DGKI: variants seen among roughly 807,000 people sequenced by gnomAD.
The protein encoded by DGKI is diacylglycerol kinase iota, also known as DAG kinase iota.
Under a neutral mutation model 147.5 loss-of-function variants are expected in DGKI, and 55 were observed. The ratio of observed to expected loss-of-function variants is 0.37; its 90% CI spans 0.30 to 0.47. The LOEUF (loss-of-function observed/expected upper bound fraction) is 0.47. Among genes scored for constraint, DGKI ranks in the 20% least tolerant of loss-of-function variants. The pLI, the probability that DGKI is intolerant of heterozygous loss-of-function variation, is 1.00. For synonymous variants in DGKI, 469 were observed against 477.1 expected, an observed-to-expected ratio of 0.98 and a Z score of 0.22; for missense variants, 1,007 against 1,323.8, an observed-to-expected ratio of 0.76 and a Z score of 3.71.
At position 137,502,179 on chromosome 7, in the gene DGKI, T is replaced by C. The variant is rs565705528; in HGVS notation, c.2249-14490A>G. Among the ~76,000 whole-genome samples the C allele has an allele frequency of 5.3e-5, 8 of 152,264 alleles. No individual in the cohort carries two copies. In the South Asian group the frequency reaches 1.7e-3, roughly 32 times the overall value. On this transcript the variant is annotated intron_variant, in intron 21 of 32. Transcript: ENST00000614521. ...TGACAGCAGTGTGAAAACGGACTAA[T>C]ACAGGGCCTAAGCCTGGGGGTTCAA...
At chr7:137,450,574 T>C (rs1813912732) in intron 27 of DGKI, among the ~76,000 whole-genome samples, 1 of 151,676 alleles carries the variant, frequency 6.6e-6, no homozygotes, top group South Asian at 2.1e-4. Context: ...ATACAAAAAT[T>C]AGCCAAGCGT....
At chr7:137,446,120 G>A (rs1016844286) in intron 27 of DGKI, among the ~76,000 whole-genome samples, 1 of 152,208 alleles carries the variant, frequency 6.6e-6, no homozygotes, top group Non-Finnish European at 1.5e-5. Context: ...TAAAATTCAT[G>A]CCAAAGGACA....
intron 28 of DGKI, among the ~76,000 whole-genome samples, chr7:137,433,434 C>T (rs1375332236): frequency 6.6e-6 from 1 of 152,176 alleles, no homozygotes; most frequent in Non-Finnish European, 1.5e-5. Flanking sequence ...ATAAAACAAG[C>T]TCTAGGTAGA....
intron 32 of DGKI, among the ~76,000 whole-genome samples, chr7:137,393,627 G>T (rs1267571885): frequency 6.6e-6 from 1 of 152,108 alleles, no homozygotes; most frequent in Non-Finnish European, 1.5e-5. Context: ...ACTTTTAATG[G>T]CAAAAACCAC....
intron 1 of DGKI, among the ~76,000 whole-genome samples, chr7:137,826,889 T>C (rs1798073916): frequency 6.6e-6 from 1 of 152,202 alleles, no homozygotes; most frequent in South Asian, 2.1e-4. Flanking sequence ...CCATCCGTTA[T>C]ATTCCTTTAT....
intron 1 of DGKI, among the ~76,000 whole-genome samples, chr7:137,733,056 C>G (rs1794928479): frequency 1.3e-5 from 2 of 151,934 alleles, no homozygotes; most frequent in African/African-American, 2.4e-5. Flanking sequence ...ACGTCCACAA[C>G]CTTTGAAATT....
chr7:137,832,237 G>C (rs1798239755), intron 1 of DGKI, among the ~76,000 whole-genome samples: 1 of 152,222 alleles, frequency 6.6e-6, no homozygotes, highest in Non-Finnish European at 1.5e-5. Context: ...TGGTGCCCCA[G>C]GAGGGACTCT....
intron 4 of DGKI, among the ~76,000 whole-genome samples, chr7:137,655,769 A>G (rs1359150354): frequency 6.6e-6 from 1 of 152,238 alleles, no homozygotes; most frequent in Non-Finnish European, 1.5e-5. Context: ...CAATGCATTT[A>G]CCCATGACAG....
chr7:137,439,876 A>C (rs943430391), intron 28 of DGKI, among the ~76,000 whole-genome samples: 1 of 152,240 alleles, frequency 6.6e-6, no homozygotes, highest in Admixed American at 6.5e-5. Flanking sequence ...CAGATGTTCC[A>C]GTGGGGCATG....
intron 1 of DGKI, among the ~76,000 whole-genome samples, chr7:137,703,200 G>A (rs1824043381): frequency 6.6e-6 from 1 of 152,172 alleles, no homozygotes; most frequent in Non-Finnish European, 1.5e-5. Flanking sequence ...TCTTCACATA[G>A]CAGCAGGAGA....
intron 1 of DGKI, among the ~76,000 whole-genome samples, chr7:137,778,786 G>A (rs1796438323): frequency 1.3e-5 from 2 of 152,152 alleles, no homozygotes; most frequent in Admixed American, 1.3e-4. Flanking sequence ...CTTGATCAAA[G>A]TATCAGATAA....
intron 10 of DGKI, among the ~76,000 whole-genome samples, chr7:137,601,438 A>G (rs1398787744): frequency 6.6e-6 from 1 of 152,190 alleles, no homozygotes. Context: ...AGATATCGTA[A>G]TTGCTCTTTC....
At chr7:137,702,013 G>A (rs1261080592) in intron 1 of DGKI, among the ~76,000 whole-genome samples, 2 of 152,076 alleles carry the variant, frequency 1.3e-5, no homozygotes, top group Non-Finnish European at 2.9e-5. Context: ...ACCCCCACAT[G>A]TACAGCTTCA....
intron 20 of DGKI, among the ~76,000 whole-genome samples, chr7:137,536,005 C>A (rs1343272108): frequency 6.6e-6 from 1 of 152,082 alleles, no homozygotes. Context: ...GAACTATAAA[C>A]CTATGACACC....
At chr7:137,729,936 A>G (rs1794824319) in intron 1 of DGKI, among the ~76,000 whole-genome samples, 2 of 152,268 alleles carry the variant, frequency 1.3e-5, no homozygotes, top group South Asian at 4.1e-4. Context: ...AGTGGTTTCT[A>G]CCAACACTGT....
chr7:137,758,450 C>T (rs1054649471), intron 1 of DGKI, among the ~76,000 whole-genome samples: 1 of 152,172 alleles, frequency 6.6e-6, no homozygotes, highest in Non-Finnish European at 1.5e-5. Context: ...TTTTGGGAAG[C>T]CAAGGTGGAT....
intron 21 of DGKI, 31 bp downstream of exon 21, chr7:137,521,835 G>T: frequency 6.8e-7 from 1 of 1,471,228 alleles, no homozygotes; most frequent in Non-Finnish European, 9.5e-7. Flanking sequence ...TAGGCTGATC[G>T]CATGAAATCA....
At chr7:137,632,465 G>A (rs1384456064) in intron 6 of DGKI, among the ~76,000 whole-genome samples, 1 of 152,142 alleles carries the variant, frequency 6.6e-6, no homozygotes, top group Non-Finnish European at 1.5e-5. Flanking sequence ...AGGAGAGAGA[G>A]AAATGTCCAA....
intron 28 of DGKI, among the ~76,000 whole-genome samples, chr7:137,413,115 C>T (rs1812223618): frequency 6.6e-6 from 1 of 151,910 alleles, no homozygotes; most frequent in Non-Finnish European, 1.5e-5. Flanking sequence ...ACCAAAAATA[C>T]AGAAATTAGC....
Sources: gnomAD v4.1 joint callset for allele counts (sites outside exome capture counted in the v4.1 genomes callset) on GRCh38, gnomAD v4.1.1 for gene constraint, MANE v1.5 for transcripts, NCBI Gene and HGNC (gene_info 2026-07-23, HGNC 2026-07-21) for gene names.